The following ZNF490 variants were observed in gnomAD, a reference collection of about 807,000 sequenced individuals.
ZNF490 encodes zinc finger protein 490.
Under a neutral mutation model 17.7 loss-of-function variants are expected in ZNF490, and 11 were observed. The ratio of observed to expected loss-of-function variants is 0.62; its 90% CI spans 0.39 to 1.03. The LOEUF (loss-of-function observed/expected upper bound fraction) is 1.03. Among genes scored for constraint, ZNF490 ranks in the 50% least tolerant of loss-of-function variants. The pLI, the probability that ZNF490 is intolerant of heterozygous loss-of-function variation, is 0.00. For synonymous variants in ZNF490, 222 were observed against 216.1 expected, an observed-to-expected ratio of 1.03 and a Z score of -0.24; for missense variants, 542 against 643.4, an observed-to-expected ratio of 0.84 and a Z score of 1.71.
rs1238691395 is a variant in ZNF490, at chr19:12,577,864, CA to C, written c.*2620del. On this transcript the variant is annotated 3_prime_UTR_variant, in exon 5 of 5. Coordinates refer to ENST00000311437, the MANE Select transcript of ZNF490 (RefSeq NM_020714.3). The stretch of plus-strand genomic sequence containing the variant: ...ATGCTGCCACCTCCCTTCTAAAACA[CA>C]CTGACTTGCTAAGAAAAGGGGGGAC... 7.9e-5 allele frequency: 78 copies of C among 985,496 alleles called. 1 individual carries two copies. The African/African-American group carries it at 1.2e-3, about 16-fold the overall frequency. 61.0% of individuals were successfully genotyped at this position (985,496 alleles called of 1,614,324 possible). A position where few individuals can be genotyped will look rare whatever the true frequency, so the allele number is the denominator to read the frequency against.
rs2022651465 is a variant in ZNF490, at chr19:12,577,063, AC to A, written c.*3421del. On this transcript the variant is annotated 3_prime_UTR_variant, in exon 5 of 5. Coordinates refer to ENST00000311437, the MANE Select transcript of ZNF490 (RefSeq NM_020714.3). Reference sequence around the variant, plus strand: ...TTTCTCTGGCTCCTCGGGAATAACCACCACAGTGCCTTATATATCCTTGCTT... The same window carrying A: ...TTTCTCTGGCTCCTCGGGAATAACCACACAGTGCCTTATATATCCTTGCTT... Among the ~76,000 whole-genome samples the A allele has an allele frequency of 6.6e-6, 1 of 152,108 alleles. No homozygotes were observed. The highest frequency in any genetic ancestry group is 2.1e-4 in the South Asian group (1 of 4,820).
chr19:12,580,869 T>G lies in ZNF490; in HGVS notation c.1206A>C (p.Ser402=). Residue 402 remains serine, a synonymous_variant, in exon 5 of 5, where the codon TCA becomes TCC. Coordinates refer to ENST00000311437, the MANE Select transcript of ZNF490 (RefSeq NM_020714.3). The stretch of plus-strand genomic sequence containing the variant: ...CTCTTTCGTGCAACTGAAGGTAACT[T>G]GAAGAATTGAAGGCTTTACCACATT... ...CKQCGKAFNS[S]SYLQLHERVH... is the part of the protein sequence containing the mutation. 6.2e-7 allele frequency: 1 copy of G among 1,614,124 alleles called. No homozygotes were observed. The highest frequency in any genetic ancestry group is 8.5e-7 in the Non-Finnish European group (1 of 1,180,000).
Position 12,578,156 on chromosome 19 carries a change from T to C in ZNF490, c.*2329A>G, listed in dbSNP as rs2022671160. On this transcript the variant is annotated 3_prime_UTR_variant, in exon 5 of 5. Transcript: ENST00000311437. ...CTAGGAAACCAGTCCTGGAGCAGGA[T>C]GCATGTGACATGCACTGACGTGAGA... 1.0e-6 allele frequency: 1 copy of C among 985,382 alleles called. No individual in the cohort carries two copies. The highest frequency in any genetic ancestry group is 1.7e-5 in the African/African-American group (1 of 57,236). 61.0% of individuals were successfully genotyped at this position (985,382 alleles called of 1,614,324 possible).
intron 2 of ZNF490, among the ~76,000 whole-genome samples, chr19:12,607,661 G>T (rs893693016): frequency 6.6e-6 from 1 of 151,968 alleles, no homozygotes; most frequent in African/African-American, 2.4e-5. Flanking sequence ...CTGCACTTTG[G>T]GAGGTTGAGG....
chr19:12,609,752 T>G (rs955907192), intron 1 of ZNF490: 5 of 293,908 alleles, frequency 1.7e-5, no homozygotes, highest in Non-Finnish European at 2.6e-5. Context: ...AAACTGCATC[T>G]TCTTACATAT....
At position 12,584,976 on chromosome 19, in the gene ZNF490, T is replaced by A. The variant is rs1473563877; in HGVS notation, c.163-1420A>T. On this transcript the variant is annotated intron_variant, in intron 2 of 4. Coordinates refer to ENST00000311437, the MANE Select transcript of ZNF490 (RefSeq NM_020714.3). ...GGACCTCTATAAACCCCTGTACTCA[T>A]GAAGGTTTATTACTCGCATGCTTGA... is the stretch of plus-strand genomic sequence containing the variant. Among the ~76,000 whole-genome samples, 58 of 94,216 alleles carry A rather than the reference T, an allele frequency of 6.2e-4. 18 individuals carry two copies. The highest frequency in any genetic ancestry group is 1.7e-3 in the African/African-American group (54 of 31,500). 61.8% of individuals were successfully genotyped at this position (94,216 alleles called of 152,430 possible).
chr19:12,590,589 A>T (rs2022858759), intron 2 of ZNF490, among the ~76,000 whole-genome samples: 2 of 152,194 alleles, frequency 1.3e-5, no homozygotes, highest in African/African-American at 4.8e-5. Flanking sequence ...AATAAAAGAT[A>T]TACCAACTGG....
Position 12,577,755 on chromosome 19 carries a change from G to A in ZNF490, c.*2730C>T, listed in dbSNP as rs1478178656. 8 of 985,360 alleles carry A rather than the reference G, an allele frequency of 8.1e-6. No individual in the cohort carries two copies. In the African/African-American group the frequency reaches 8.7e-5, roughly 11 times the overall value. 61.0% of individuals were successfully genotyped at this position (985,360 alleles called of 1,614,324 possible). ...GGAGGCCAGAGGCCTAAAGAGTTCC[G>A]ACCCGAGCGACACAAAGATCACTTC... On this transcript the variant is annotated 3_prime_UTR_variant, in exon 5 of 5. Coordinates refer to ENST00000311437, the MANE Select transcript of ZNF490 (RefSeq NM_020714.3).
At chr19:12,605,383 AT>A (rs1451464799) in intron 2 of ZNF490, among the ~76,000 whole-genome samples, 1 of 151,808 alleles carries the variant, frequency 6.6e-6, no homozygotes, top group Non-Finnish European at 1.5e-5. Context: ...TGCGGGGCTG[AT>A]GAGGGAGGAT....
At chr19:12,597,028 C>G in intron 2 of ZNF490, 2 of 437,456 alleles carry the variant, frequency 4.6e-6, no homozygotes, top group Non-Finnish European at 9.3e-6. Flanking sequence ...AGCTGCCGGC[C>G]CAGCCCCACG....
rs1230148176 is a variant in ZNF490, at chr19:12,579,365, AC to A, written c.*1119del. 1 of 151,990 alleles carries A rather than the reference AC, an allele frequency of 6.6e-6. No homozygotes were observed. Among genetic ancestry groups the A allele is most frequent in the African/African-American group, 2.4e-5 (1 of 41,354 alleles). The allele number at this position is 151,990 out of a possible 1,614,324, so 9.4% of individuals were successfully genotyped here. On this transcript the variant is annotated 3_prime_UTR_variant, in exon 5 of 5. Transcript: ENST00000311437. ...CAGGAGTTCAAGACCAGCCTGGCCA[AC>A]ATGGTGAAACCCCGTCTCTACTAAA... is the stretch of plus-strand genomic sequence containing the variant.
At chr19:12,584,601 C>CA (rs2022793481) in intron 2 of ZNF490, among the ~76,000 whole-genome samples, 1 of 94,812 alleles carries the variant, frequency 1.1e-5, no homozygotes, top group South Asian at 2.8e-4. Flanking sequence ...TACCACTCAG[C>CA]ATTTCATGAA....
chr19:12,592,066 G>C (rs187237951), intron 2 of ZNF490, among the ~76,000 whole-genome samples: 1 of 152,260 alleles, frequency 6.6e-6, no homozygotes, highest in East Asian at 1.9e-4. Flanking sequence ...AGCTGGGCGC[G>C]GTGGCTCACG....
intron 2 of ZNF490, among the ~76,000 whole-genome samples, chr19:12,600,800 T>C (rs1444007673): frequency 6.6e-6 from 1 of 152,154 alleles, no homozygotes. Context: ...TTGGAGATTG[T>C]GACATCAGAA....
chr19:12,601,535 G>A (rs1019517544), intron 2 of ZNF490, among the ~76,000 whole-genome samples: 18 of 152,222 alleles, frequency 1.2e-4, no homozygotes, highest in African/African-American at 4.3e-4. Flanking sequence ...GACTACAGGT[G>A]TATGCCACAA....
chr19:12,583,595 G>A (rs190211563), intron 2 of ZNF490, 39 bp from the exon 3 acceptor site: 1 of 1,532,126 alleles, frequency 6.5e-7, no homozygotes, highest in Non-Finnish European at 8.8e-7. Flanking sequence ...GGAGGAGAGA[G>A]ATTCGCAGTA....
intron 2 of ZNF490, among the ~76,000 whole-genome samples, chr19:12,588,925 C>T (rs943696103): frequency 6.6e-6 from 1 of 152,136 alleles, no homozygotes; most frequent in Non-Finnish European, 1.5e-5. Context: ...TATCAAAACA[C>T]GTAGAATGCA....
At chr19:12,604,278 G>T (rs1057320103) in intron 2 of ZNF490, among the ~76,000 whole-genome samples, 5 of 151,948 alleles carry the variant, frequency 3.3e-5, no homozygotes, top group African/African-American at 7.3e-5. Flanking sequence ...CACTTTGGGA[G>T]GCTGAGGCAG....
intron 2 of ZNF490, among the ~76,000 whole-genome samples, chr19:12,592,683 T>A (rs1401737832): frequency 6.6e-6 from 1 of 152,148 alleles, no homozygotes; most frequent in East Asian, 1.9e-4. Context: ...ACAGATTGTA[T>A]AACAGAGTCA....
Sources: allele counts gnomAD v4.1 joint callset (sites outside exome capture counted in the v4.1 genomes callset), GRCh38; gene constraint gnomAD v4.1.1; transcripts MANE v1.5; gene names NCBI Gene and HGNC (gene_info 2026-07-23, HGNC 2026-07-21).